Variants in XKR4 observed in about 807,000 individuals in gnomAD.
XKR4 encodes XK-related protein 4.
In XKR4, 12 loss-of-function variants were observed where a neutral mutation model predicts 53.9. The ratio of observed to expected loss-of-function variants is 0.22; its 90% CI spans 0.14 to 0.36. The LOEUF (loss-of-function observed/expected upper bound fraction) is 0.36, where lower values mean the gene tolerates loss of function less well. XKR4 is among the 10% of genes least tolerant of loss of function. The probability of loss-of-function intolerance (pLI) is 1.00; values close to 1 mark genes in which losing one functional copy is unlikely to be tolerated. For missense variants in XKR4, 799 were observed against 859.5 expected (o/e 0.93, Z 0.88); for synonymous variants, 354 against 362.4 (o/e 0.98, Z 0.26).
intron 2 of XKR4, among the ~76,000 whole-genome samples, chr8:55,374,153 C>T (rs1804114358): frequency 6.6e-6 from 1 of 152,112 alleles, no homozygotes; most frequent in Non-Finnish European, 1.5e-5. Context: ...TTCATCAAGA[C>T]CTGAAGGAAA....
chr8:55,228,003 C>T (rs770319350), intron 1 of XKR4, among the ~76,000 whole-genome samples: 1 of 152,178 alleles, frequency 6.6e-6, no homozygotes, highest in Non-Finnish European at 1.5e-5. Flanking sequence ...GCCTCCTGGG[C>T]TCCAGCAATT....
intron 1 of XKR4, among the ~76,000 whole-genome samples, chr8:55,354,512 A>T (rs1030456943): frequency 1.3e-5 from 2 of 152,190 alleles, no homozygotes; most frequent in African/African-American, 4.8e-5. Context: ...GTAACAAGTG[A>T]TTCTGTTTAC....
At chr8:55,346,538 C>G (rs1803644374) in intron 1 of XKR4, among the ~76,000 whole-genome samples, 1 of 152,174 alleles carries the variant, frequency 6.6e-6, no homozygotes, top group Non-Finnish European at 1.5e-5. Context: ...CTATTATTCA[C>G]CACAGAATGG....
intron 2 of XKR4, among the ~76,000 whole-genome samples, chr8:55,423,901 A>T (rs1301127952): frequency 1.3e-5 from 2 of 152,254 alleles, no homozygotes; most frequent in African/African-American, 4.8e-5. Flanking sequence ...ACAGAGGGTC[A>T]GGAATAGATT....
rs1298308209 is a variant in XKR4, at chr8:55,531,287, T to G, written c.*7060T>G. 6.6e-6 allele frequency: 1 copy of G among 152,226 alleles called. No individual in the cohort carries two copies. The highest frequency in any genetic ancestry group is 1.5e-5 in the Non-Finnish European group (1 of 68,048). The allele number at this position is 152,226 out of a possible 1,614,324, so 9.4% of individuals were successfully genotyped here. ...GCTACAAACCTGTACAGCATGCTAC[T>G]GTACCGAATACTGTAGGCAACTGTA... On this transcript the variant is annotated 3_prime_UTR_variant, in exon 3 of 3. Transcript: ENST00000327381.
At chr8:55,250,396 C>A (rs1229715255) in intron 1 of XKR4, among the ~76,000 whole-genome samples, 4 of 152,154 alleles carry the variant, frequency 2.6e-5, no homozygotes, top group Non-Finnish European at 5.9e-5. Flanking sequence ...TCATACAGTG[C>A]TCCTTTGATT....
intron 1 of XKR4, among the ~76,000 whole-genome samples, chr8:55,300,127 G>A (rs1819166597): frequency 6.6e-6 from 1 of 152,190 alleles, no homozygotes; most frequent in Non-Finnish European, 1.5e-5. Flanking sequence ...GTTCAGGCAT[G>A]TGAAAGGTGA....
At chr8:55,115,977 G>A (rs1227703579) in intron 1 of XKR4, among the ~76,000 whole-genome samples, 1 of 152,202 alleles carries the variant, frequency 6.6e-6, no homozygotes, top group African/African-American at 2.4e-5. Flanking sequence ...AACAGTGGTG[G>A]ATGCTGAGGG....
chr8:55,462,017 C>T (rs190142322), intron 2 of XKR4, among the ~76,000 whole-genome samples: 12 of 152,268 alleles, frequency 7.9e-5, no homozygotes, highest in East Asian at 1.9e-4. Flanking sequence ...CTGAAAGTGA[C>T]GGGGAGAATG....
chr8:55,207,149 G>A (rs539658608), intron 1 of XKR4, among the ~76,000 whole-genome samples: 3 of 152,240 alleles, frequency 2.0e-5, no homozygotes, highest in African/African-American at 4.8e-5. Flanking sequence ...TCCCGTTCTC[G>A]TCTCCCCTGC....
chr8:55,207,064 C>T (rs1353782023), intron 1 of XKR4, among the ~76,000 whole-genome samples: 1 of 152,232 alleles, frequency 6.6e-6, no homozygotes, highest in African/African-American at 2.4e-5. Flanking sequence ...ATTTCACTCT[C>T]CCCAAATTCC....
chr8:55,519,504 A>G (rs1013917920), intron 2 of XKR4, among the ~76,000 whole-genome samples: 4 of 152,180 alleles, frequency 2.6e-5, no homozygotes, highest in African/African-American at 7.2e-5. Context: ...CTTATTTTCA[A>G]GTACTATACT....
rs1439302209 is a variant in XKR4, at chr8:55,532,006, T to C, written c.*7779T>C. The C allele has an allele frequency of 6.6e-6, 1 of 152,234 alleles. No homozygotes were observed. The highest frequency in any genetic ancestry group is 1.9e-4 in the East Asian group (1 of 5,200). The allele number at this position is 152,234 out of a possible 1,614,324, so 9.4% of individuals were successfully genotyped here. Reference sequence around the variant, plus strand: ...GGACCCGATTGCATTCTCTCCTGAGTGATTGGCTTCCCACATATATAAGCA... The same window carrying C: ...GGACCCGATTGCATTCTCTCCTGAGCGATTGGCTTCCCACATATATAAGCA... On this transcript the variant is annotated 3_prime_UTR_variant, in exon 3 of 3. Coordinates refer to ENST00000327381, the MANE Select transcript of XKR4 (RefSeq NM_052898.2).
rs1421268627 is a variant in XKR4, at chr8:55,438,618, C to T, written c.1006+80741C>T. On this transcript the variant is annotated intron_variant, in intron 2 of 2. Transcript: ENST00000327381. ...AAAAAAAAAAAAAAAGAGAGAGAGA[C>T]TTATAAAAGAAGATGCCAAGAAATG... 1.4e-5 allele frequency among the ~76,000 whole-genome samples: 2 copies of T among 145,138 alleles called. 1 individual carries two copies. The highest frequency in any genetic ancestry group is 3.0e-5 in the Non-Finnish European group (2 of 66,466).
At chr8:55,465,506 A>C (rs1001586916) in intron 2 of XKR4, among the ~76,000 whole-genome samples, 145 of 152,068 alleles carry the variant, frequency 9.5e-4, no homozygotes, top group East Asian at 6.4e-3. Flanking sequence ...TAAAGACTTA[A>C]ATGTTAGACC....
intron 1 of XKR4, among the ~76,000 whole-genome samples, chr8:55,206,019 C>A (rs886393994): frequency 2.0e-5 from 3 of 152,132 alleles, no homozygotes; most frequent in Admixed American, 2.0e-4. Context: ...AAAGGTGGCG[C>A]GTCTGGAGTT....
Position 55,392,572 on chromosome 8 carries a change from C to T in XKR4, c.1006+34695C>T, listed in dbSNP as rs1804458318. The stretch of plus-strand genomic sequence containing the variant: ...TTGGGAGGCTGAGGCGGGTAGATTG[C>T]TTGAGGCTAGGAGTTTGAGACCAGC... On this transcript the variant is annotated intron_variant, in intron 2 of 2. Transcript: ENST00000327381. Among the ~76,000 whole-genome samples the T allele has an allele frequency of 2.0e-5, 3 of 152,148 alleles. No individual in the cohort carries two copies. In the South Asian group the frequency reaches 6.2e-4, roughly 32 times the overall value.
chr8:55,465,721 T>C (rs1236203896), intron 2 of XKR4, among the ~76,000 whole-genome samples: 2 of 151,978 alleles, frequency 1.3e-5, no homozygotes, highest in Admixed American at 6.5e-5. Flanking sequence ...GGGAGGAAAT[T>C]TTTGCAACCT....
intron 2 of XKR4, among the ~76,000 whole-genome samples, chr8:55,444,428 G>A (rs1320158150): frequency 6.6e-6 from 1 of 152,040 alleles, no homozygotes; most frequent in Non-Finnish European, 1.5e-5. Context: ...CACAAAACAG[G>A]AAAGAGAAGT....
Sources: allele counts gnomAD v4.1 joint callset (sites outside exome capture counted in the v4.1 genomes callset), GRCh38; gene constraint gnomAD v4.1.1; transcripts MANE v1.5; gene names NCBI Gene and HGNC (gene_info 2026-07-23, HGNC 2026-07-21).